KIAA0825: variants seen among roughly 807,000 people sequenced by gnomAD.
KIAA0825 encodes KIAA0825.
A neutral mutation model predicts 147.6 loss-of-function variants in KIAA0825; 119 were observed. The observed-to-expected ratio is 0.81, with a 90% CI of 0.69 to 0.94. The LOEUF is 0.94. Ranked by LOEUF, KIAA0825 falls within the 40% of genes least tolerant of loss-of-function variation. The pLI is 0.00. For synonymous variants in KIAA0825, 470 were observed against 518.1 expected (o/e 0.91, Z 1.26); for missense variants, 1,381 against 1,472.7 (o/e 0.94, Z 1.02).
At chr5:94,460,586 A>G (rs748496356) in intron 12 of KIAA0825, among the ~76,000 whole-genome samples, 7 of 152,218 alleles carry the variant, frequency 4.6e-5, no homozygotes, top group South Asian at 4.1e-4. Flanking sequence ...CTTTTCACCA[A>G]TTCCTCAAAG....
intron 14 of KIAA0825, among the ~76,000 whole-genome samples, chr5:94,429,828 G>A (rs1348346272): frequency 6.6e-6 from 1 of 152,110 alleles, no homozygotes; most frequent in East Asian, 1.9e-4. Context: ...ACCACCTCGG[G>A]TCCAAGTTCT....
At chr5:94,431,848 G>A (rs1755715521) in intron 14 of KIAA0825, among the ~76,000 whole-genome samples, 1 of 152,144 alleles carries the variant, frequency 6.6e-6, no homozygotes, top group Non-Finnish European at 1.5e-5. Flanking sequence ...ATGACCCTGT[G>A]TTGGAGCATA....
chr5:94,160,235 T>C (rs1011162410), intron 20 of KIAA0825, among the ~76,000 whole-genome samples: 1 of 152,112 alleles, frequency 6.6e-6, no homozygotes, highest in African/African-American at 2.4e-5. Flanking sequence ...CTCACATCTG[T>C]AATTCAGCTC....
At chr5:94,422,939 T>C (rs2150742066) in intron 14 of KIAA0825, among the ~76,000 whole-genome samples, 1 of 152,300 alleles carries the variant, frequency 6.6e-6, no homozygotes, top group Non-Finnish European at 1.5e-5. Context: ...CACTTCTCAT[T>C]TTCCCGGCAC....
At chr5:94,573,340 G>A (rs1016021001) in intron 2 of KIAA0825, among the ~76,000 whole-genome samples, 2 of 143,378 alleles carry the variant, frequency 1.4e-5, no homozygotes, top group Non-Finnish European at 3.0e-5. Context: ...GCACAATCTC[G>A]GCTCACTGCA....
intron 18 of KIAA0825, among the ~76,000 whole-genome samples, chr5:94,390,526 C>G (rs40268): frequency 0.2 from 30,516 of 152,124 alleles, 3,675 homozygotes; most frequent in African/African-American, 0.33. Context: ...ACTGAGCTCT[C>G]GTGCCTTAAG....
chr5:94,485,031 A>G (rs1762889135), intron 5 of KIAA0825, 101 bp from the exon 6 acceptor site: 3 of 809,120 alleles, frequency 3.7e-6, no homozygotes, highest in Non-Finnish European at 5.1e-6. Flanking sequence ...AAAACTAACA[A>G]GTTCCTCCAT....
rs537398702 is a variant in KIAA0825, at chr5:94,608,597, G to A, written c.-153+9903C>T. Among the ~76,000 whole-genome samples, 32 of 134,058 alleles carry A rather than the reference G, an allele frequency of 2.4e-4. 1 individual carries two copies. The highest frequency in any genetic ancestry group is 7.0e-3 in the Middle Eastern group (2 of 284). 87.9% of individuals were successfully genotyped at this position (134,058 alleles called of 152,430 possible). On this transcript the variant is annotated intron_variant, in intron 1 of 20. Transcript: ENST00000682413. The stretch of plus-strand genomic sequence containing the variant: ...GATCTACCCATCTCTGCCTCCCAAA[G>A]TACTGGGATTACAGGCCTGAGCCAC...
At chr5:94,199,736 A>C (rs1771485272) in intron 20 of KIAA0825, among the ~76,000 whole-genome samples, 1 of 152,100 alleles carries the variant, frequency 6.6e-6, no homozygotes, top group South Asian at 2.1e-4. Context: ...GGGTGAGTAC[A>C]TGTCAGTTGG....
intron 20 of KIAA0825, among the ~76,000 whole-genome samples, chr5:94,267,620 C>T (rs974999192): frequency 2.6e-5 from 4 of 152,164 alleles, no homozygotes; most frequent in African/African-American, 9.7e-5. Flanking sequence ...TAGACTTCGT[C>T]ATATCAATTA....
intron 14 of KIAA0825, among the ~76,000 whole-genome samples, chr5:94,427,734 A>C (rs995483229): frequency 6.6e-6 from 1 of 151,944 alleles, no homozygotes; most frequent in Non-Finnish European, 1.5e-5. Flanking sequence ...GATATGTCTC[A>C]TGCTGTCAGT....
intron 5 of KIAA0825, among the ~76,000 whole-genome samples, chr5:94,517,413 TAGATAGATAGAC>T (rs1767435365): frequency 6.6e-6 from 1 of 152,110 alleles, no homozygotes; most frequent in Admixed American, 6.6e-5. Context: ...GACAGATAGA[TAGATAGATAGAC>T]AGATAGATGA....
intron 1 of KIAA0825, among the ~76,000 whole-genome samples, chr5:94,616,337 TTC>T (rs1790471462): frequency 6.6e-6 from 1 of 152,176 alleles, no homozygotes; most frequent in Admixed American, 6.5e-5. Flanking sequence ...ATTAGGCTAT[TTC>T]TGTTTCTCTA....
intron 20 of KIAA0825, among the ~76,000 whole-genome samples, chr5:94,255,706 G>GTTT (rs1562336929): frequency 7.8e-5 from 7 of 89,596 alleles, no homozygotes; most frequent in African/African-American, 8.1e-5. Flanking sequence ...CAGAATTATG[G>GTTT]CTTTTTTTTT....
At position 94,483,590 on chromosome 5, in the gene KIAA0825, GT is replaced by G. The variant is rs201047406; in HGVS notation, c.1132+1178del. Among the ~76,000 whole-genome samples the G allele has an allele frequency of 3.3e-3, 498 of 150,400 alleles. 2 individuals carry two copies. The highest frequency in any genetic ancestry group is 9.7e-3 in the African/African-American group (400 of 41,088). ...GCTTTTTTTTGGTTTTTTTGGGGGGGTTTTTTTTGGGGTTGGCTTCAGAAAT... is the reference window on the plus strand; with the variant it reads ...GCTTTTTTTTGGTTTTTTTGGGGGGGTTTTTTTGGGGTTGGCTTCAGAAAT... On this transcript the variant is annotated intron_variant, in intron 6 of 20. Transcript: ENST00000682413.
At chr5:94,464,807 T>A in intron 11 of KIAA0825, 62 bp downstream of exon 11, 1 of 1,394,100 alleles carries the variant, frequency 7.2e-7, no homozygotes, top group Non-Finnish European at 9.7e-7. Flanking sequence ...TTCAGAATTC[T>A]GCTTTATACC....
At chr5:94,466,264 G>A (rs1251596775) in intron 10 of KIAA0825, among the ~76,000 whole-genome samples, 1 of 151,968 alleles carries the variant, frequency 6.6e-6, no homozygotes, top group African/African-American at 2.4e-5. Context: ...CCAATGAAAC[G>A]ATAATAATTT....
chr5:94,197,853 A>T (rs1771281829), intron 20 of KIAA0825, among the ~76,000 whole-genome samples: 2 of 152,176 alleles, frequency 1.3e-5, no homozygotes, highest in African/African-American at 4.8e-5. Context: ...TATCAGTACC[A>T]TGCTGTTTGG....
chr5:94,593,946 A>G, intron 1 of KIAA0825: 2 of 455,338 alleles, frequency 4.4e-6, no homozygotes, highest in Middle Eastern at 7.6e-4. Context: ...CCACAGTGTG[A>G]CCCAAATAAA....
Sources: gnomAD v4.1 joint callset for allele counts (sites outside exome capture counted in the v4.1 genomes callset) on GRCh38, gnomAD v4.1.1 for gene constraint, MANE v1.5 for transcripts, NCBI Gene and HGNC (gene_info 2026-07-23, HGNC 2026-07-21) for gene names.